Variants in NME7 observed in about 807,000 individuals in gnomAD.
NME7 encodes the protein NME/NM23 family member 7, also known as nucleoside diphosphate kinase 7.
In NME7, 41 loss-of-function variants were observed where a neutral mutation model predicts 49.1. The observed-to-expected ratio is 0.83, with a 90% CI of 0.65 to 1.08. The LOEUF is 1.08. Ranked by LOEUF, NME7 falls within the 50% of genes least tolerant of loss-of-function variation. NME7 has a pLI of 0.00. For synonymous variants in NME7, 139 were observed against 150.6 expected (o/e 0.92, Z 0.56); for missense variants, 423 against 463.4 (o/e 0.91, Z 0.80).
intron 7 of NME7, among the ~76,000 whole-genome samples, chr1:169,253,748 A>G (rs1237073123): frequency 3.3e-5 from 5 of 151,978 alleles, no homozygotes; most frequent in African/African-American, 9.7e-5. Flanking sequence ...TCAATACCTA[A>G]TTTATTGAGA....
intron 7 of NME7, among the ~76,000 whole-genome samples, chr1:169,279,383 T>C (rs1404659577): frequency 6.6e-6 from 1 of 152,236 alleles, no homozygotes; most frequent in Non-Finnish European, 1.5e-5. Context: ...TAAGCAAGCC[T>C]GGGCAATGGC....
intron 1 of NME7, among the ~76,000 whole-genome samples, chr1:169,345,547 T>G (rs942168683): frequency 2.0e-5 from 3 of 152,106 alleles, no homozygotes; most frequent in Non-Finnish European, 4.4e-5. Flanking sequence ...TGTTTTTTGT[T>G]TTAAGGTAGA....
intron 10 of NME7, among the ~76,000 whole-genome samples, chr1:169,208,484 T>A (rs1442180767): frequency 6.6e-6 from 1 of 152,114 alleles, no homozygotes; most frequent in East Asian, 1.9e-4. Context: ...TTGAAGTAAG[T>A]TTAACAGTGA....
intron 10 of NME7, among the ~76,000 whole-genome samples, chr1:169,182,174 T>TAA (rs59280361): frequency 0.022 from 2,933 of 134,066 alleles, 116 homozygotes; most frequent in African/African-American, 0.074. Context: ...CTAGCTAATT[T>TAA]AAAAAAAAAA....
intron 10 of NME7, among the ~76,000 whole-genome samples, chr1:169,215,021 T>G (rs1211594670): frequency 6.6e-6 from 1 of 152,236 alleles, no homozygotes; most frequent in East Asian, 1.9e-4. Context: ...CCCGAATTCT[T>G]GTCTGGTGCC....
chr1:169,228,729 T>C (rs938921455), intron 10 of NME7, among the ~76,000 whole-genome samples: 2 of 147,870 alleles, frequency 1.4e-5, no homozygotes, highest in African/African-American at 5.0e-5. Flanking sequence ...CTCTTGCCCA[T>C]CAAACAGAAA....
intron 10 of NME7, among the ~76,000 whole-genome samples, 199 bp downstream of exon 10, chr1:169,230,519 A>C (rs913757603): frequency 6.6e-6 from 1 of 152,198 alleles, no homozygotes; most frequent in Admixed American, 6.5e-5. Flanking sequence ...CTATATTGTC[A>C]CTAAGTTAAC....
intron 10 of NME7, among the ~76,000 whole-genome samples, chr1:169,187,185 C>A (rs367598672): frequency 6.6e-6 from 1 of 152,002 alleles, no homozygotes; most frequent in East Asian, 1.9e-4. Context: ...ACTATGTGGT[C>A]AATTTTAGAA....
At chr1:169,224,400 T>C (rs1661239129) in intron 10 of NME7, among the ~76,000 whole-genome samples, 1 of 152,174 alleles carries the variant, frequency 6.6e-6, no homozygotes, top group South Asian at 2.1e-4. Flanking sequence ...AGGTTGTCTT[T>C]CCAAGTCTGA....
chr1:169,287,267 T>C (rs766342146), intron 7 of NME7, 36 bp downstream of exon 7: 1 of 1,424,616 alleles, frequency 7.0e-7, no homozygotes, highest in Non-Finnish European at 9.9e-7. Flanking sequence ...GCTCTCCTAT[T>C]AACAAAATGT....
At chr1:169,179,399 G>A (rs2101746254) in intron 10 of NME7, among the ~76,000 whole-genome samples, 1 of 152,288 alleles carries the variant, frequency 6.6e-6, no homozygotes, top group South Asian at 2.1e-4. Context: ...AGACAGTGTG[G>A]TGATTCCTCA....
intron 11 of NME7, among the ~76,000 whole-genome samples, chr1:169,159,372 A>G (rs1334916842): frequency 6.6e-6 from 1 of 152,158 alleles, no homozygotes; most frequent in East Asian, 1.9e-4. Context: ...CTACCTTCAG[A>G]TCTCAAATTA....
At chr1:169,341,383 T>C (rs1190324678) in intron 1 of NME7, among the ~76,000 whole-genome samples, 1 of 152,100 alleles carries the variant, frequency 6.6e-6, no homozygotes, top group East Asian at 1.9e-4. Flanking sequence ...TTTCAGAGGA[T>C]GTATGAAAAC....
chr1:169,287,464 A>G lies in NME7; in HGVS notation c.649-56T>C, dbSNP rs563151954. On this transcript the variant is annotated intron_variant, in intron 6 of 11. Coordinates refer to ENST00000367811, the MANE Select transcript of NME7 (RefSeq NM_013330.5). ...TGTGATCTCTTATCTTGAACTTACA[A>G]GATATTTCTGTGGGGGAGGAGAATC... is the stretch of plus-strand genomic sequence containing the variant. 7.3e-6 allele frequency: 9 copies of G among 1,235,640 alleles called. No individual in the cohort carries two copies. In the East Asian group the frequency reaches 2.3e-4, roughly 32 times the overall value. 76.5% of individuals were successfully genotyped at this position (1,235,640 alleles called of 1,614,324 possible).
chr1:169,192,391 T>G (rs183241419), intron 10 of NME7, among the ~76,000 whole-genome samples: 3 of 152,352 alleles, frequency 2.0e-5, no homozygotes, highest in African/African-American at 7.2e-5. Context: ...TTTTTCTTAT[T>G]ATTCCCTGAA....
At chr1:169,224,724 T>C (rs1414069792) in intron 10 of NME7, among the ~76,000 whole-genome samples, 1 of 152,140 alleles carries the variant, frequency 6.6e-6, no homozygotes, top group African/African-American at 2.4e-5. Context: ...TATTCTTCCA[T>C]TCATTTGTTC....
At chr1:169,205,967 C>T (rs143980697) in intron 10 of NME7, among the ~76,000 whole-genome samples, 201 of 152,186 alleles carry the variant, frequency 1.3e-3, no homozygotes, top group African/African-American at 4.5e-3. Context: ...GCTGTTCCTC[C>T]AGCCTGGATT....
At chr1:169,215,010 C>G (rs1012452051) in intron 10 of NME7, among the ~76,000 whole-genome samples, 3 of 152,184 alleles carry the variant, frequency 2.0e-5, no homozygotes, top group African/African-American at 7.2e-5. Context: ...ACTTGGTGGG[C>G]CCCGAATTCT....
At chr1:169,248,912 C>A (rs796168648) in intron 7 of NME7, among the ~76,000 whole-genome samples, 1 of 150,172 alleles carries the variant, frequency 6.7e-6, no homozygotes, top group Non-Finnish European at 1.5e-5. Flanking sequence ...GATGCCTCTA[C>A]GTCTGTTTTC....
Sources: gnomAD v4.1 joint callset for allele counts (sites outside exome capture counted in the v4.1 genomes callset) on GRCh38, gnomAD v4.1.1 for gene constraint, MANE v1.5 for transcripts, NCBI Gene and HGNC (gene_info 2026-07-23, HGNC 2026-07-21) for gene names.